The following ACLY variants were observed in gnomAD, a reference collection of about 807,000 sequenced individuals.
ACLY encodes ATP-citrate synthase.
A neutral mutation model predicts 133.0 loss-of-function variants in ACLY; 41 were observed. The observed-to-expected ratio is 0.31, with a 90% CI of 0.24 to 0.40. The LOEUF (loss-of-function observed/expected upper bound fraction) is 0.40. ACLY is among the 10% of genes least tolerant of loss of function. ACLY has a pLI of 1.00. For synonymous variants in ACLY, 495 were observed against 549.3 expected (o/e 0.90, Z 1.38); for missense variants, 1,046 against 1,453.8 (o/e 0.72, Z 4.56).
At chr17:41,889,812 A>C (rs2049157849) in intron 16 of ACLY, among the ~76,000 whole-genome samples, 1 of 151,984 alleles carries the variant, frequency 6.6e-6, no homozygotes, top group Non-Finnish European at 1.5e-5. Flanking sequence ...CAGCCTCCCA[A>C]GTAGCTGGCA....
At chr17:41,871,886 G>A in intron 24 of ACLY, 54 bp from the exon 25 acceptor site, 1 of 1,607,732 alleles carries the variant, frequency 6.2e-7, no homozygotes. Flanking sequence ...TCCTTCAGCT[G>A]GGCAAACCAA....
At chr17:41,892,503 G>A in intron 15 of ACLY, 56 bp from the exon 16 acceptor site, 1 of 1,535,740 alleles carries the variant, frequency 6.5e-7, no homozygotes, top group Non-Finnish European at 8.9e-7. Flanking sequence ...GACTGGGGAA[G>A]GGGAAGCTGA....
chr17:41,898,050 A>T (rs2049423272), intron 12 of ACLY, among the ~76,000 whole-genome samples: 1 of 152,344 alleles, frequency 6.6e-6, no homozygotes, highest in African/African-American at 2.4e-5. Context: ...CTGGGTGGAC[A>T]AGGTACTGGC....
At chr17:41,921,264 C>A (rs2050178734), upstream of ACLY, among the ~76,000 whole-genome samples, 1 of 152,034 alleles carries the variant, frequency 6.6e-6, no homozygotes. Flanking sequence ...TGCCATTGCA[C>A]TCCAGCCTGG....
rs781862748 is a variant in ACLY at position 41,897,819 on chromosome 17, T to C, written c.1359A>G (p.Thr453=). 4 of 1,613,574 alleles carry C rather than the reference T, an allele frequency of 2.5e-6. No homozygotes were observed. The highest frequency in any genetic ancestry group is 3.4e-6 in the Non-Finnish European group (4 of 1,179,852). Residue 453 remains threonine (T), a synonymous_variant, in exon 13 of 29, where the codon ACA becomes ACG. Transcript: ENST00000352035. ...GSTSTPAPSR[T]ASFSESRADE... is the part of the protein sequence containing the mutation. ...CGGCCCTGGACTCAGAAAAAGATGC[T>C]GTCCTGCTGGGGGCTGGCGTCTGGG...
At chr17:41,924,214 G>A (rs1272653017) in intron 1 of ACLY, among the ~76,000 whole-genome samples, 6 of 151,564 alleles carry the variant, frequency 4.0e-5, no homozygotes, top group Admixed American at 3.3e-4. Flanking sequence ...GCGTGATCTC[G>A]GCTCACTGCA....
At chr17:41,901,853 C>A in intron 10 of ACLY, 40 bp from the exon 11 acceptor site, 1 of 1,439,500 alleles carries the variant, frequency 6.9e-7, no homozygotes. Flanking sequence ...AACAAGGCAG[C>A]CACAAGTCAA....
At chr17:41,921,296 TCAAAACAAAA>T (rs1221516699), upstream of ACLY, among the ~76,000 whole-genome samples, 5 of 151,238 alleles carry the variant, frequency 3.3e-5, no homozygotes, top group South Asian at 6.3e-4. Context: ...AGACTCCGTC[TCAAAACAAAA>T]CAAAACAAAA....
chr17:41,873,373 G>T (rs2048649144), intron 23 of ACLY, among the ~76,000 whole-genome samples: 1 of 152,018 alleles, frequency 6.6e-6, no homozygotes, highest in African/African-American at 2.4e-5. Flanking sequence ...TAGAGATGGG[G>T]TTTCACCATG....
intron 16 of ACLY, among the ~76,000 whole-genome samples, chr17:41,891,190 C>T (rs2049201084): frequency 6.6e-6 from 1 of 151,990 alleles, no homozygotes; most frequent in Non-Finnish European, 1.5e-5. Flanking sequence ...TGCCATCATG[C>T]CTGGCTAATC....
chr17:41,909,544 G>A lies in ACLY; in HGVS notation c.502C>T (p.His168Tyr). ...EKLNPEDIKK[H>Y]LLVHAPEDKK... is the part of the protein sequence containing the mutation. ...TCTTCAGGGGCGTGGACCAACAGGT[G>A]TTTTTTGATGTCCTCAGGATTCAGT... The change falls in exon 5 of 29, where the codon CAC becomes TAC. Residue 168 changes from histidine (H) to tyrosine (Y), a missense_variant. Physicochemically the swap from His to Tyr is moderately conservative, Grantham distance 83. Transcript: ENST00000352035. The A allele has an allele frequency of 6.2e-7, 1 of 1,614,174 alleles. No homozygotes were observed. The highest frequency in any genetic ancestry group is 8.5e-7 in the Non-Finnish European group (1 of 1,180,018).
At chr17:41,918,969 G>A (rs546727022), upstream of ACLY, 13 of 1,288,970 alleles carry the variant, frequency 1.0e-5, no homozygotes, top group Middle Eastern at 2.1e-4. Context: ...AGCTTCCCGG[G>A]ATCCGGCTTT....
chr17:41,869,411 G>C, intron 26 of ACLY, 63 bp downstream of exon 26: 3 of 1,293,784 alleles, frequency 2.3e-6, no homozygotes, highest in Non-Finnish European at 3.3e-6. Flanking sequence ...ATGTAACGTG[G>C]CTCCTGTTTC....
intron 18 of ACLY, 141 bp downstream of exon 18, chr17:41,885,971 G>T: frequency 2.5e-6 from 2 of 801,168 alleles, no homozygotes; most frequent in Non-Finnish European, 4.2e-6. Context: ...CAAGAGCAGT[G>T]ATGCCCCATT....
upstream of ACLY, among the ~76,000 whole-genome samples, chr17:41,921,708 G>A (rs2050185762): frequency 6.6e-6 from 1 of 151,900 alleles, no homozygotes; most frequent in East Asian, 1.9e-4. Flanking sequence ...GCTGGCTCAC[G>A]CCTATAATCC....
At chr17:41,899,579 A>G (rs1459663968) in intron 11 of ACLY, among the ~76,000 whole-genome samples, 1 of 152,058 alleles carries the variant, frequency 6.6e-6, no homozygotes, top group Non-Finnish European at 1.5e-5. Context: ...TCTGACCTTG[A>G]TGGTCACTCT....
At chr17:41,892,251 C>A (rs781866299) in intron 16 of ACLY, 28 bp downstream of exon 16, 5 of 279,876 alleles carry the variant, frequency 1.8e-5, no homozygotes, top group East Asian at 1.6e-4. Context: ...GGTCCCCACC[C>A]CCCACCCTCC....
intron 22 of ACLY, among the ~76,000 whole-genome samples, chr17:41,874,213 CT>C (rs2048671378): frequency 6.6e-6 from 1 of 152,230 alleles, no homozygotes; most frequent in South Asian, 2.1e-4. Flanking sequence ...AGCTCTATTT[CT>C]ATCCTTCCCT....
intron 20 of ACLY, among the ~76,000 whole-genome samples, chr17:41,881,883 C>G (rs1597985641): frequency 6.6e-6 from 1 of 152,174 alleles, no homozygotes. Flanking sequence ...AAATAAAACC[C>G]ACATACACAC....
Sources: gnomAD v4.1 joint callset for allele counts (sites outside exome capture counted in the v4.1 genomes callset) on GRCh38, gnomAD v4.1.1 for gene constraint, MANE v1.5 for transcripts, NCBI Gene and HGNC (gene_info 2026-07-23, HGNC 2026-07-21) for gene names.